The following PAWR variants were observed in gnomAD, a reference collection of about 807,000 sequenced individuals.
PAWR encodes pro-apoptotic WT1 regulator.
A neutral mutation model predicts 32.0 loss-of-function variants in PAWR; 23 were observed. That is an observed-to-expected ratio of 0.72 (90% CI 0.52 to 1.02). PAWR has a LOEUF of 1.02. PAWR is among the 50% of genes least tolerant of loss of function. The probability of loss-of-function intolerance (pLI) is 0.00; values close to 1 mark genes in which losing one functional copy is unlikely to be tolerated. For missense variants in PAWR, 457 were observed against 437.7 expected, an observed-to-expected ratio of 1.04 and a Z score of -0.39; for synonymous variants, 226 against 187.1, an observed-to-expected ratio of 1.21 and a Z score of -1.70.
At chr12:79,652,727 A>C (rs1212006394) in intron 2 of PAWR, among the ~76,000 whole-genome samples, 1 of 152,226 alleles carries the variant, frequency 6.6e-6, no homozygotes. Flanking sequence ...CATTCCTGGG[A>C]GGATTTAAAT....
chr12:79,629,924 G>A (rs1481807351), intron 2 of PAWR, among the ~76,000 whole-genome samples: 1 of 151,922 alleles, frequency 6.6e-6, no homozygotes, highest in African/African-American at 2.4e-5. Context: ...ATTTTCAAAT[G>A]AATTTTAAAA....
chr12:79,610,762 TAA>T (rs1197221659), intron 4 of PAWR, among the ~76,000 whole-genome samples: 3 of 88,918 alleles, frequency 3.4e-5, no homozygotes, highest in Admixed American at 1.2e-4. Context: ...TACCAAAAAT[TAA>T]AAAAAAAAAA....
At position 79,594,433 on chromosome 12, in the gene PAWR, C is replaced by T; in HGVS notation, c.832G>A (p.Glu278Lys). Reference sequence around the variant, plus strand: ...TTTTCTTGTCTTTCTCTTACTACTTCCTGGTAGATACAATTAAAAACCAGT... The same window carrying T: ...TTTTCTTGTCTTTCTCTTACTACTTTCTGGTAGATACAATTAAAAACCAGT... ...LEKKIEDLEK[E>K]VVRERQENLR... Residue 278 changes from glutamate to lysine, a missense_variant and splice_region_variant, in exon 6 of 7, where the codon GAA becomes AAA. Physicochemically the swap from Glu to Lys is moderately conservative, Grantham distance 56 (BLOSUM62 1). Coordinates refer to ENST00000328827, the MANE Select transcript of PAWR (RefSeq NM_002583.4). The T allele has an allele frequency of 7.2e-7, 1 of 1,391,578 alleles. No individual in the cohort carries two copies. 86.2% of individuals were successfully genotyped at this position (1,391,578 alleles called of 1,614,324 possible). A position where few individuals can be genotyped will look rare whatever the true frequency, so the allele number is the denominator to read the frequency against.
chr12:79,676,291 C>A (rs2136867855), intron 2 of PAWR, among the ~76,000 whole-genome samples: 1 of 152,244 alleles, frequency 6.6e-6, no homozygotes, highest in Middle Eastern at 3.4e-3. Context: ...AAATACCTTT[C>A]TTCACCCATA....
At chr12:79,640,525 G>A (rs1364838918) in intron 2 of PAWR, among the ~76,000 whole-genome samples, 1 of 152,050 alleles carries the variant, frequency 6.6e-6, no homozygotes, top group African/African-American at 2.4e-5. Flanking sequence ...CAGATCCCTT[G>A]AGCTCAGGAG....
At chr12:79,604,086 T>A (rs1282743815) in intron 4 of PAWR, 1 of 179,418 alleles carries the variant, frequency 5.6e-6, no homozygotes, top group Non-Finnish European at 1.1e-5. Flanking sequence ...TGTTACTTGA[T>A]CTTATTGCCA....
At chr12:79,688,165 T>A (rs1878775182) in intron 2 of PAWR, among the ~76,000 whole-genome samples, 1 of 151,668 alleles carries the variant, frequency 6.6e-6, no homozygotes. Context: ...TAACAAAAGA[T>A]GTTTCTTAGG....
At chr12:79,606,727 C>T (rs752562054) in intron 4 of PAWR, among the ~76,000 whole-genome samples, 12 of 152,132 alleles carry the variant, frequency 7.9e-5, no homozygotes, top group Non-Finnish European at 1.8e-4. Context: ...CCATGCTAGG[C>T]AAATTAACAT....
chr12:79,689,960 G>C lies in PAWR; in HGVS notation c.285C>G (p.Ser95=). 1 of 1,381,610 alleles carries C rather than the reference G, an allele frequency of 7.2e-7. No individual in the cohort carries two copies. Among genetic ancestry groups the C allele is most frequent in the Non-Finnish European group, 9.3e-7 (1 of 1,075,562 alleles). The allele number at this position is 1,381,610 out of a possible 1,614,324, so 85.6% of individuals were successfully genotyped here. A position where few individuals can be genotyped will look rare whatever the true frequency, so the allele number is the denominator to read the frequency against. The stretch of plus-strand genomic sequence containing the variant: ...CGGGGGCCGCCCGCGTCAGCATGGC[G>C]GAGCCGACCGCGCAGTTCACGCCCC... The part of the protein sequence containing the change: ...GPGGVNCAVG[S]AMLTRAAPGP... The change falls in exon 2 of 7, where the codon TCC becomes TCG. Residue 95 remains serine, a synonymous_variant. Transcript: ENST00000328827.
In PAWR at chr12:79,588,430, T is replaced by C. The variant is rs1565993106; in HGVS notation, c.*4177A>G. 2 of 152,106 alleles carry C rather than the reference T, an allele frequency of 1.3e-5. No individual in the cohort carries two copies. Among genetic ancestry groups the C allele is most frequent in the Non-Finnish European group, 2.9e-5 (2 of 67,872 alleles). 9.4% of individuals were successfully genotyped at this position (152,106 alleles called of 1,614,324 possible). On this transcript the variant is annotated 3_prime_UTR_variant, in exon 7 of 7. Coordinates refer to ENST00000328827, the MANE Select transcript of PAWR (RefSeq NM_002583.4). ...CCTAATTAACATTATCTTTAAAAAA[T>C]GGTAGATATTTCCCAGTATGCATCA...
intron 2 of PAWR, among the ~76,000 whole-genome samples, chr12:79,665,472 T>C (rs1877559210): frequency 6.6e-6 from 1 of 152,224 alleles, no homozygotes; most frequent in South Asian, 2.1e-4. Context: ...CTCAATAAAC[T>C]TGTCTCAACG....
chr12:79,681,219 A>G (rs1003358433), intron 2 of PAWR, among the ~76,000 whole-genome samples: 7 of 152,048 alleles, frequency 4.6e-5, no homozygotes, highest in African/African-American at 1.7e-4. Context: ...CTAATCAAAA[A>G]GCCACATAAT....
chr12:79,678,800 A>G (rs1283118641), intron 2 of PAWR, among the ~76,000 whole-genome samples: 2 of 151,706 alleles, frequency 1.3e-5, no homozygotes, highest in Admixed American at 1.3e-4. Context: ...TGAGACCTAA[A>G]GCATAATACC....
At chr12:79,657,742 C>T (rs1002800578) in intron 2 of PAWR, among the ~76,000 whole-genome samples, 11 of 151,330 alleles carry the variant, frequency 7.3e-5, no homozygotes, top group Non-Finnish European at 1.0e-4. Context: ...TGCAGTGAGC[C>T]GAGATCGCGC....
chr12:79,685,156 T>G (rs1277780763), intron 2 of PAWR, among the ~76,000 whole-genome samples: 1 of 152,184 alleles, frequency 6.6e-6, no homozygotes, highest in Non-Finnish European at 1.5e-5. Flanking sequence ...CTGATAATAT[T>G]AAAATTTCAA....
chr12:79,674,910 A>G (rs1878087523), intron 2 of PAWR, among the ~76,000 whole-genome samples: 1 of 152,218 alleles, frequency 6.6e-6, no homozygotes, highest in African/African-American at 2.4e-5. Context: ...AAAAATCCAC[A>G]GATGTTGGTG....
At chr12:79,628,480 T>C (rs902009612) in intron 2 of PAWR, among the ~76,000 whole-genome samples, 1 of 151,850 alleles carries the variant, frequency 6.6e-6, no homozygotes, top group Non-Finnish European at 1.5e-5. Flanking sequence ...CTGAAGGAAA[T>C]AGAGACACAA....
chr12:79,684,799 C>T (rs745449974), intron 2 of PAWR, among the ~76,000 whole-genome samples: 1 of 152,108 alleles, frequency 6.6e-6, no homozygotes, highest in Non-Finnish European at 1.5e-5. Flanking sequence ...ATTCCATAGT[C>T]ATATACTAAC....
chr12:79,591,069 TA>T lies in PAWR; in HGVS notation c.*1537del, dbSNP rs1873539904. The T allele has an allele frequency of 6.6e-6, 1 of 152,176 alleles. No homozygotes were observed. The highest frequency in any genetic ancestry group is 6.5e-5 in the Admixed American group (1 of 15,274). 9.4% of individuals were successfully genotyped at this position (152,176 alleles called of 1,614,324 possible). A position where few individuals can be genotyped will look rare whatever the true frequency, so the allele number is the denominator to read the frequency against. ...ATCAGAAACCTCAGATGGTAACCTT[TA>T]AAAATTGTGGAATCCAGAGTCTCAA... is the stretch of plus-strand genomic sequence containing the variant. On this transcript the variant is annotated 3_prime_UTR_variant, in exon 7 of 7. Transcript: ENST00000328827.
Sources: gnomAD v4.1 joint callset for allele counts (sites outside exome capture counted in the v4.1 genomes callset) on GRCh38, gnomAD v4.1.1 for gene constraint, MANE v1.5 for transcripts, NCBI Gene and HGNC (gene_info 2026-07-23, HGNC 2026-07-21) for gene names.